MIPEP: variants seen among roughly 807,000 people sequenced by gnomAD.
MIPEP encodes the protein mitochondrial intermediate peptidase.
A neutral mutation model predicts 90.3 loss-of-function variants in MIPEP; 79 were observed. The observed-to-expected ratio is 0.87, with a 90% CI of 0.73 to 1.05. The LOEUF (loss-of-function observed/expected upper bound fraction) is 1.05. MIPEP is among the 50% of genes least tolerant of loss of function. MIPEP has a pLI of 0.00. For synonymous variants in MIPEP, 334 were observed against 315.8 expected, an observed-to-expected ratio of 1.06 and a Z score of -0.61; for missense variants, 940 against 905.6, an observed-to-expected ratio of 1.04 and a Z score of -0.49.
intron 18 of MIPEP, among the ~76,000 whole-genome samples, chr13:23,741,909 A>G (rs1259860809): frequency 6.6e-6 from 1 of 152,244 alleles, no homozygotes; most frequent in African/African-American, 2.4e-5. Flanking sequence ...TAATTAATTA[A>G]GTTCCATTAG....
intron 18 of MIPEP, among the ~76,000 whole-genome samples, chr13:23,752,521 A>G (rs1288760383): frequency 2.0e-5 from 3 of 152,196 alleles, no homozygotes; most frequent in Non-Finnish European, 4.4e-5. Context: ...CAAATATTCT[A>G]GTATATATTT....
intron 14 of MIPEP, among the ~76,000 whole-genome samples, chr13:23,823,781 T>C (rs1953336279): frequency 6.6e-6 from 1 of 152,194 alleles, no homozygotes; most frequent in Admixed American, 6.5e-5. Context: ...GGAGCTGTGA[T>C]TGCACCACTG....
At chr13:23,842,703 G>C (rs1024124323) in intron 10 of MIPEP, 1 of 152,532 alleles carries the variant, frequency 6.6e-6, no homozygotes, top group Non-Finnish European at 1.5e-5. Flanking sequence ...CAGTGCTGAA[G>C]CATGAACGAA....
At chr13:23,758,510 A>G (rs1219493419) in intron 17 of MIPEP, among the ~76,000 whole-genome samples, 12 of 152,248 alleles carry the variant, frequency 7.9e-5, no homozygotes. Context: ...CTAGTAAAGT[A>G]TACTTCAAAC....
intron 17 of MIPEP, among the ~76,000 whole-genome samples, chr13:23,757,643 G>A (rs570589226): frequency 2.0e-5 from 3 of 152,120 alleles, no homozygotes; most frequent in Non-Finnish European, 2.9e-5. Context: ...AACAGTTAAC[G>A]GATCAGCAAA....
intron 14 of MIPEP, among the ~76,000 whole-genome samples, chr13:23,812,021 T>C (rs1400455801): frequency 5.9e-5 from 9 of 152,148 alleles, no homozygotes; most frequent in African/African-American, 4.8e-5. Flanking sequence ...GAAGAACCCA[T>C]TGAGCTGTGA....
chr13:23,759,679 C>T (rs140291613), intron 17 of MIPEP, among the ~76,000 whole-genome samples: 240 of 152,256 alleles, frequency 1.6e-3, no homozygotes, highest in Non-Finnish European at 2.5e-3. Context: ...TACTTCCTCC[C>T]GACAATGCTC....
intron 16 of MIPEP, among the ~76,000 whole-genome samples, chr13:23,805,077 C>T (rs1953092323): frequency 6.6e-6 from 1 of 152,156 alleles, no homozygotes; most frequent in African/African-American, 2.4e-5. Flanking sequence ...TTGAAACACC[C>T]CTATACCCCT....
At position 23,797,315 on chromosome 13, in the gene MIPEP, C is replaced by T. The variant is rs1037904585; in HGVS notation, c.1848+8635G>A. ...ACAGAGCTCCCACCTTGCTCTGTCT[C>T]CTGGGCTGTGGACCCACTGGCCCAA... is the stretch of plus-strand genomic sequence containing the variant. On this transcript the variant is annotated intron_variant, in intron 16 of 18. Transcript: ENST00000382172. Among the ~76,000 whole-genome samples, 11 of 152,184 alleles carry T rather than the reference C, an allele frequency of 7.2e-5. No individual in the cohort carries two copies. The South Asian group carries it at 1.7e-3, about 23-fold the overall frequency.
At position 23,836,285 on chromosome 13, in the gene MIPEP, A is replaced by G; in HGVS notation, c.1608T>C (p.Asp536=). 6.2e-7 allele frequency: 1 copy of G among 1,607,596 alleles called. No homozygotes were observed. The highest frequency in any genetic ancestry group is 8.5e-7 in the Non-Finnish European group (1 of 1,177,424). Residue 536 remains aspartate, a synonymous_variant, in exon 14 of 19, where the codon GAT becomes GAC. Transcript: ENST00000382172. ...TGGCAAATTGGTTAACTACTCGATA[A>G]TCATTTGCAAAGTACTCCATCAGAA... ...PSILMEYFAN[D]YRVVNQFARH... is the part of the protein sequence containing the mutation.
In MIPEP at chr13:23,886,738, AAAC is replaced by A. The variant is rs558565559; in HGVS notation, c.190-235_190-233del. 2.0e-4 allele frequency among the ~76,000 whole-genome samples: 31 copies of A among 152,186 alleles called. No individual in the cohort carries two copies. The South Asian group carries it at 4.8e-3, about 23-fold the overall frequency. On this transcript the variant is annotated intron_variant, in intron 1 of 18. Coordinates refer to ENST00000382172, the MANE Select transcript of MIPEP (RefSeq NM_005932.4). ...TCAATTTTTAATTATTTTCCGGAAA[AAAC>A]AACAACAACAATGGTATGGGTTCAA...
At chr13:23,809,543 C>G (rs530590714) in intron 15 of MIPEP, among the ~76,000 whole-genome samples, 290 of 152,152 alleles carry the variant, frequency 1.9e-3, no homozygotes, top group African/African-American at 6.9e-3. Flanking sequence ...TGGGGTTTCA[C>G]CGTGTTGGTT....
chr13:23,871,076 G>A (rs1201373409), intron 5 of MIPEP, among the ~76,000 whole-genome samples: 1 of 152,196 alleles, frequency 6.6e-6, no homozygotes, highest in Non-Finnish European at 1.5e-5. Flanking sequence ...AGCTGCTACA[G>A]AATGATACAG....
At chr13:23,865,010 GA>G (rs1227191397) in intron 7 of MIPEP, among the ~76,000 whole-genome samples, 2 of 98,586 alleles carry the variant, frequency 2.0e-5, no homozygotes, top group South Asian at 4.5e-4. Flanking sequence ...GGATAAATAT[GA>G]AAAAAATAGC....
At chr13:23,858,789 G>T in intron 10 of MIPEP, 71 bp downstream of exon 10, 1 of 1,359,068 alleles carries the variant, frequency 7.4e-7, no homozygotes, top group South Asian at 1.2e-5. Context: ...CTCAGTGGAT[G>T]ACAGTAGCTG....
At chr13:23,776,642 C>A (rs1952720093) in intron 16 of MIPEP, among the ~76,000 whole-genome samples, 1 of 152,026 alleles carries the variant, frequency 6.6e-6, no homozygotes, top group Non-Finnish European at 1.5e-5. Context: ...TTTTAGTGTT[C>A]TAAATAATTT....
Position 23,869,417 on chromosome 13 carries a change from T to G in MIPEP, c.818A>C (p.Tyr273Ser). Residue 273 changes from tyrosine to serine, a missense_variant, in exon 7 of 19, where the codon TAT (tyrosine) becomes TCT (serine). Physicochemically the swap from Tyr to Ser is moderately radical, Grantham distance 144 (BLOSUM62 -2). Coordinates refer to ENST00000382172, the MANE Select transcript of MIPEP (RefSeq NM_005932.4). Reference protein sequence around the residue: ...VREAAYKIFLYPNAGQLKCLE... With the variant: ...VREAAYKIFLSPNAGQLKCLE... The stretch of plus-strand genomic sequence containing the variant: ...ACATTTCAATTGACCAGCATTGGGA[T>G]AAAGAAAAATTTTATAAGCAGCTTC... 1.9e-6 allele frequency: 3 copies of G among 1,603,630 alleles called. No individual in the cohort carries two copies. Among genetic ancestry groups the G allele is most frequent in the Non-Finnish European group, 2.5e-6 (3 of 1,177,564 alleles).
chr13:23,763,190 C>A (rs1342764967), intron 16 of MIPEP, among the ~76,000 whole-genome samples: 5 of 152,148 alleles, frequency 3.3e-5, no homozygotes, highest in Non-Finnish European at 7.4e-5. Context: ...GTCAGTTTTT[C>A]TTTTTATGCT....
chr13:23,887,352 T>G (rs946692938), intron 1 of MIPEP, among the ~76,000 whole-genome samples: 2 of 152,206 alleles, frequency 1.3e-5, no homozygotes, highest in Non-Finnish European at 2.9e-5. Flanking sequence ...TGCCTGCTAC[T>G]TTACATAGGT....
Sources: allele counts gnomAD v4.1 joint callset (sites outside exome capture counted in the v4.1 genomes callset), GRCh38; gene constraint gnomAD v4.1.1; transcripts MANE v1.5; gene names NCBI Gene and HGNC (gene_info 2026-07-23, HGNC 2026-07-21).